Variants in NLGN4X observed in about 807,000 individuals in gnomAD.
NLGN4X encodes neuroligin 4 X-linked.
A neutral mutation model predicts 40.3 loss-of-function variants in NLGN4X; 3 were observed. That is an observed-to-expected ratio of 0.07 (90% CI 0.03 to 0.19). The LOEUF is 0.19. Among genes scored for constraint, NLGN4X ranks in the 10% least tolerant of loss-of-function variants. NLGN4X has a pLI of 1.00. For missense variants in NLGN4X, 382 were observed against 708.3 expected (o/e 0.54, Z 5.23); for synonymous variants, 270 against 306.8 (o/e 0.88, Z 1.25).
intron 3 of NLGN4X, among the ~76,000 whole-genome samples, chrX:6,024,459 G>C (rs781540260): frequency 1.6e-4 from 18 of 110,933 alleles, no homozygotes; most frequent in Non-Finnish European, 2.6e-4. Context: ...GCTGGGTAAC[G>C]TAAGGCTGGG....
intron 2 of NLGN4X, among the ~76,000 whole-genome samples, chrX:6,105,048 G>A (rs2039003550): frequency 1.9e-5 from 2 of 107,667 alleles, no homozygotes; most frequent in Admixed American, 1.0e-4. Context: ...TTTTACAAAC[G>A]TGAAAGTGTA....
intron 1 of NLGN4X, among the ~76,000 whole-genome samples, chrX:6,200,079 A>G (rs1923453394): frequency 8.9e-6 from 1 of 112,057 alleles, no homozygotes; most frequent in South Asian, 3.7e-4. Flanking sequence ...CATTAAATGA[A>G]TATCTATAGA....
intron 1 of NLGN4X, among the ~76,000 whole-genome samples, chrX:6,177,628 T>C (rs773924493): frequency 1.3e-4 from 15 of 112,134 alleles, no homozygotes; most frequent in African/African-American, 4.5e-4. Flanking sequence ...AAAGGTTTAA[T>C]ATTGATGATG....
rs758420363 is a variant in NLGN4X at position 6,009,535 on chromosome X, A to T, written c.625+19745T>A. Among the ~76,000 whole-genome samples, 3 of 112,724 alleles carry T rather than the reference A, an allele frequency of 2.7e-5. No homozygotes were observed. In the East Asian group the frequency reaches 8.4e-4, roughly 32 times the overall value. ...GAGAATGTCAACAATTGAGATTTTC[A>T]ATGTACTGTCCCAGGCTCCTAAGAC... On this transcript the variant is annotated intron_variant, in intron 3 of 5. Coordinates refer to ENST00000381095, the MANE Select transcript of NLGN4X (RefSeq NM_181332.3).
At chrX:6,028,547 T>C (rs933604049) in intron 3 of NLGN4X, among the ~76,000 whole-genome samples, 10 of 109,315 alleles carry the variant, frequency 9.1e-5, no homozygotes, top group Non-Finnish European at 1.7e-4. Flanking sequence ...TAGTCCCAGC[T>C]ACTTGGGAGG....
intron 2 of NLGN4X, among the ~76,000 whole-genome samples, chrX:6,139,946 A>G (rs1269295911): frequency 8.9e-6 from 1 of 111,954 alleles, no homozygotes; most frequent in Admixed American, 9.6e-5. Context: ...TGGAATTAGG[A>G]GATCAATAGT....
chrX:5,944,760 T>C (rs2034071440), intron 3 of NLGN4X, among the ~76,000 whole-genome samples: 1 of 111,263 alleles, frequency 9.0e-6, no homozygotes, highest in Non-Finnish European at 1.9e-5. Context: ...AAAAATACTA[T>C]TTGAGTTCTA....
At chrX:6,100,691 C>A (rs1156512879) in intron 2 of NLGN4X, among the ~76,000 whole-genome samples, 3 of 111,775 alleles carry the variant, frequency 2.7e-5, no homozygotes, top group Non-Finnish European at 5.6e-5. Context: ...AGATACCATA[C>A]CAACGGCAGT....
intron 2 of NLGN4X, among the ~76,000 whole-genome samples, chrX:6,036,607 G>GGA (rs1555955004): frequency 1.3e-5 from 1 of 78,182 alleles, no homozygotes; most frequent in African/African-American, 4.6e-5. Context: ...GCTTGTGGCT[G>GGA]GCGCACACAC....
intron 3 of NLGN4X, among the ~76,000 whole-genome samples, chrX:6,027,822 ATT>A (rs35042993): frequency 6.0e-5 from 6 of 99,357 alleles, no homozygotes; most frequent in Admixed American, 1.1e-4. Context: ...TATTATTATT[ATT>A]TTTTTTTTTT....
At chrX:6,110,469 TA>T (rs2039123612) in intron 2 of NLGN4X, among the ~76,000 whole-genome samples, 1 of 112,155 alleles carries the variant, frequency 8.9e-6, no homozygotes. Flanking sequence ...TCAAACCCTA[TA>T]AGCAGATACG....
At chrX:6,079,449 T>A (rs2038290920) in intron 2 of NLGN4X, among the ~76,000 whole-genome samples, 1 of 112,435 alleles carries the variant, frequency 8.9e-6, no homozygotes, top group African/African-American at 3.2e-5. Flanking sequence ...TGTCCTAAAC[T>A]CCTCATTTAA....
intron 3 of NLGN4X, among the ~76,000 whole-genome samples, chrX:5,923,669 C>A (rs2033160943): frequency 9.0e-6 from 1 of 111,723 alleles, no homozygotes; most frequent in Non-Finnish European, 1.9e-5. Flanking sequence ...GAGAACAGCA[C>A]AGGAAGGGCC....
chrX:5,922,925 A>G (rs2033129887), intron 3 of NLGN4X, among the ~76,000 whole-genome samples: 1 of 111,484 alleles, frequency 9.0e-6, no homozygotes, highest in African/African-American at 3.3e-5. Flanking sequence ...CCATATGAAG[A>G]TATCTATGTA....
chrX:6,129,271 T>C lies in NLGN4X; in HGVS notation c.472+21724A>G, dbSNP rs191210565. On this transcript the variant is annotated intron_variant, in intron 2 of 5. Transcript: ENST00000381095. ...TTTCTGTGTTGCTTTCTTCAGCAGC[T>C]TGGAAGACCCAAGTGGAAGACACAA... Among the ~76,000 whole-genome samples, 5 of 112,220 alleles carry C rather than the reference T, an allele frequency of 4.5e-5. No individual in the cohort carries two copies. The East Asian group carries it at 1.4e-3, about 32-fold the overall frequency.
At chrX:5,949,559 T>A (rs1392245854) in intron 3 of NLGN4X, among the ~76,000 whole-genome samples, 1 of 112,002 alleles carries the variant, frequency 8.9e-6, no homozygotes, top group African/African-American at 3.3e-5. Context: ...CAAGTTATCA[T>A]TTGTGTTCAA....
intron 1 of NLGN4X, among the ~76,000 whole-genome samples, chrX:6,208,474 T>C (rs1924242827): frequency 8.9e-6 from 1 of 112,381 alleles, no homozygotes; most frequent in Non-Finnish European, 1.9e-5. Flanking sequence ...AAGTCTATTC[T>C]GGTTATGAAA....
At chrX:6,146,761 A>G (rs1190913431) in intron 2 of NLGN4X, among the ~76,000 whole-genome samples, 1 of 109,883 alleles carries the variant, frequency 9.1e-6, no homozygotes, top group African/African-American at 3.3e-5. Flanking sequence ...CTGTTATGCT[A>G]CAATGAAAAT....
chrX:6,219,209 C>T (rs1203700569), intron 1 of NLGN4X, among the ~76,000 whole-genome samples: 1 of 102,415 alleles, frequency 9.8e-6, no homozygotes, highest in African/African-American at 3.6e-5. Context: ...GTTTGACATG[C>T]ATTTTCCAAA....
Sources: allele counts gnomAD v4.1 joint callset (sites outside exome capture counted in the v4.1 genomes callset), GRCh38; gene constraint gnomAD v4.1.1; transcripts MANE v1.5; gene names NCBI Gene and HGNC (gene_info 2026-07-23, HGNC 2026-07-21).